The following MTA3 variants were observed in gnomAD, a reference collection of about 807,000 sequenced individuals.
MTA3 encodes metastasis-associated protein MTA3.
In MTA3, 34 loss-of-function variants were observed where a neutral mutation model predicts 83.5. The ratio of observed to expected loss-of-function variants is 0.41; its 90% CI spans 0.31 to 0.54. The LOEUF is 0.54. MTA3 is among the 20% of genes least tolerant of loss of function. MTA3 has a pLI of 0.33. For synonymous variants in MTA3, 303 were observed against 252.7 expected (o/e 1.20, Z -1.89); for missense variants, 761 against 726.4 (o/e 1.05, Z -0.55).
chr2:42,650,350 A>G (rs1390147185), intron 6 of MTA3, among the ~76,000 whole-genome samples: 2 of 152,216 alleles, frequency 1.3e-5, no homozygotes, highest in African/African-American at 4.8e-5. Context: ...TATTTACATA[A>G]TTATAATACT....
At chr2:42,656,110 T>A (rs1689152222) in intron 6 of MTA3, 90 bp from the exon 7 acceptor site, 2 of 985,062 alleles carry the variant, frequency 2.0e-6, no homozygotes, top group South Asian at 1.5e-5. Context: ...CACATAAACA[T>A]TTCTAATGCT....
intron 12 of MTA3, 84 bp from the exon 13 acceptor site, chr2:42,707,819 A>G: frequency 7.5e-7 from 1 of 1,335,176 alleles, no homozygotes; most frequent in Non-Finnish European, 1.0e-6. Context: ...CATGACAAGT[A>G]TTTTTAAAAT....
intron 2 of MTA3, among the ~76,000 whole-genome samples, chr2:42,515,531 C>A (rs1675104465): frequency 6.6e-6 from 1 of 151,676 alleles, no homozygotes; most frequent in Admixed American, 6.6e-5. Context: ...GAGATGGATT[C>A]TCGCTCTCTC....
chr2:42,589,899 C>G (rs1164176030), intron 3 of MTA3, among the ~76,000 whole-genome samples: 1 of 152,048 alleles, frequency 6.6e-6, no homozygotes, highest in African/African-American at 2.4e-5. Flanking sequence ...GGTTTTTACT[C>G]CCCATGTTTC....
At chr2:42,645,306 C>G (rs1688076602) in intron 6 of MTA3, among the ~76,000 whole-genome samples, 1 of 151,372 alleles carries the variant, frequency 6.6e-6, no homozygotes, top group African/African-American at 2.4e-5. Flanking sequence ...AGGTGGATTA[C>G]TTGAGACCAG....
rs60176061 is a variant in MTA3, at chr2:42,593,951, G to GT, written c.190+14772dup. Among the ~76,000 whole-genome samples, 1,058 of 140,130 alleles carry GT rather than the reference G, an allele frequency of 7.6e-3. 17 individuals carry two copies. The highest frequency in any genetic ancestry group is 0.022 in the African/African-American group (844 of 37,842). 91.9% of individuals were successfully genotyped at this position (140,130 alleles called of 152,430 possible). A position where few individuals can be genotyped will look rare whatever the true frequency, so the allele number is the denominator to read the frequency against. Reference sequence around the variant, plus strand: ...TCCATTTTTACCAGTATAGGATTAAGTTTTTTTTTTTTTTTTTTTTTGAGA... The same window carrying GT: ...TCCATTTTTACCAGTATAGGATTAAGTTTTTTTTTTTTTTTTTTTTTTGAGA... On this transcript the variant is annotated intron_variant, in intron 3 of 16. Coordinates refer to ENST00000405094, the MANE Select transcript of MTA3 (RefSeq NM_001330442.2).
At position 42,749,612 on chromosome 2, in the gene MTA3, TG is replaced by T. The variant is rs1669712971; in HGVS notation, c.1760-3760del. ...CCTCCCAAGTAGCTGGAATTTCGGG[TG>T]GCCACCACCATGCCTGGCTAATTTT... On this transcript the variant is annotated intron_variant, in intron 16 of 16. Transcript: ENST00000405094. Among the ~76,000 whole-genome samples the T allele has an allele frequency of 2.6e-5, 4 of 151,562 alleles. No homozygotes were observed. The South Asian group carries it at 8.4e-4, about 32-fold the overall frequency.
At chr2:42,537,422 G>A (rs543742598) in intron 2 of MTA3, among the ~76,000 whole-genome samples, 47 of 152,116 alleles carry the variant, frequency 3.1e-4, no homozygotes, top group African/African-American at 1.1e-3. Context: ...AAAATTAGCT[G>A]GGCATAGTGG....
intron 8 of MTA3, among the ~76,000 whole-genome samples, chr2:42,676,638 C>A (rs550092369): frequency 1.3e-5 from 2 of 152,224 alleles, no homozygotes; most frequent in Non-Finnish European, 2.9e-5. Context: ...TTGTGGCATG[C>A]ACCTGTAGTC....
intron 15 of MTA3, among the ~76,000 whole-genome samples, chr2:42,720,954 A>C (rs1667363394): frequency 1.4e-5 from 1 of 71,106 alleles, no homozygotes; most frequent in Admixed American, 1.9e-4. Flanking sequence ...CCTGTCTCAA[A>C]AAAAAAAAAA....
At chr2:42,506,597 C>T (rs914053918) in intron 2 of MTA3, among the ~76,000 whole-genome samples, 30 of 150,812 alleles carry the variant, frequency 2.0e-4, no homozygotes, top group African/African-American at 7.3e-5. Flanking sequence ...CGGGGGGTAA[C>T]GGATTGGAGA....
intron 16 of MTA3, among the ~76,000 whole-genome samples, chr2:42,726,087 A>G (rs1273404396): frequency 6.6e-6 from 1 of 152,226 alleles, no homozygotes; most frequent in East Asian, 1.9e-4. Context: ...TTACCATCAT[A>G]TACTGAAATA....
intron 6 of MTA3, among the ~76,000 whole-genome samples, chr2:42,646,605 A>G (rs1688212569): frequency 6.6e-6 from 1 of 152,232 alleles, no homozygotes; most frequent in African/African-American, 2.4e-5. Flanking sequence ...TATGGTGGAT[A>G]TAATATGCAA....
upstream of MTA3, among the ~76,000 whole-genome samples, chr2:42,567,194 G>A (rs1202492371): frequency 1.3e-5 from 2 of 152,190 alleles, no homozygotes; most frequent in Non-Finnish European, 2.9e-5. Flanking sequence ...GTGTTCCCTG[G>A]TTTACAAAGC....
chr2:42,606,902 A>G (rs1683502557), intron 3 of MTA3, among the ~76,000 whole-genome samples: 1 of 147,692 alleles, frequency 6.8e-6, no homozygotes, highest in Non-Finnish European at 1.5e-5. Flanking sequence ...ACACAGCGAA[A>G]CCCCGTCTCC....
chr2:42,530,725 C>T (rs187429308), intron 2 of MTA3, among the ~76,000 whole-genome samples: 3,281 of 151,532 alleles, frequency 0.022, 48 homozygotes, highest in Non-Finnish European at 0.035. Flanking sequence ...GCGGAGGTTG[C>T]GGTGAGCCGA....
upstream of MTA3, among the ~76,000 whole-genome samples, chr2:42,567,793 C>T (rs1677988232): frequency 6.6e-6 from 1 of 152,138 alleles, no homozygotes; most frequent in Admixed American, 6.5e-5. Context: ...AATACAATCT[C>T]CTCTGTTTGG....
At chr2:42,543,289 T>C (rs1180440577) in intron 2 of MTA3, among the ~76,000 whole-genome samples, 1 of 151,380 alleles carries the variant, frequency 6.6e-6, no homozygotes, top group Non-Finnish European at 1.5e-5. Flanking sequence ...GCGATTCTCC[T>C]GCTTCAGCCT....
At chr2:42,510,815 C>G (rs1403906960) in intron 2 of MTA3, among the ~76,000 whole-genome samples, 1 of 152,122 alleles carries the variant, frequency 6.6e-6, no homozygotes, top group East Asian at 1.9e-4. Flanking sequence ...GGGGGATGCC[C>G]CCACTCTGAC....
Sources: gnomAD v4.1 joint callset for allele counts (sites outside exome capture counted in the v4.1 genomes callset) on GRCh38, gnomAD v4.1.1 for gene constraint, MANE v1.5 for transcripts, NCBI Gene and HGNC (gene_info 2026-07-23, HGNC 2026-07-21) for gene names.